TTLL5: variants seen among roughly 807,000 people sequenced by gnomAD.
TTLL5 encodes tubulin polyglutamylase TTLL5.
TTLL5 carries 132 observed loss-of-function variants against 168.4 expected under a neutral mutation model. The ratio of observed to expected loss-of-function variants is 0.78; its 90% CI spans 0.68 to 0.91. TTLL5 has a LOEUF of 0.91. TTLL5 is among the 40% of genes least tolerant of loss of function. TTLL5 has a pLI of 0.00. For synonymous variants in TTLL5, 546 were observed against 558.6 expected, an observed-to-expected ratio of 0.98 and a Z score of 0.32; for missense variants, 1,545 against 1,581.5, an observed-to-expected ratio of 0.98 and a Z score of 0.39.
intron 20 of TTLL5, among the ~76,000 whole-genome samples, chr14:75,767,057 G>A (rs1183705227): frequency 6.6e-6 from 1 of 152,070 alleles, no homozygotes; most frequent in African/African-American, 2.4e-5. Flanking sequence ...CAGCTACTCG[G>A]GAGGATGAAG....
chr14:75,735,167 G>T (rs1424163615), intron 14 of TTLL5, 28 bp from the exon 15 acceptor site: 2 of 1,610,414 alleles, frequency 1.2e-6, no homozygotes, highest in Non-Finnish European at 1.7e-6. Flanking sequence ...AAAATGGCAG[G>T]TTTTAATGTT....
At chr14:75,875,314 C>T (rs1369586535) in intron 29 of TTLL5, among the ~76,000 whole-genome samples, 6 of 149,364 alleles carry the variant, frequency 4.0e-5, no homozygotes, top group South Asian at 2.1e-4. Flanking sequence ...GAGGCTGAGG[C>T]AGACAGATCA....
chr14:75,900,843 G>A (rs1211881440), intron 30 of TTLL5, among the ~76,000 whole-genome samples: 2 of 152,104 alleles, frequency 1.3e-5, no homozygotes, highest in African/African-American at 2.4e-5. Context: ...CCCCTGCCTC[G>A]TTCTCATAAC....
chr14:75,672,099 T>A lies in TTLL5; in HGVS notation c.181+2577T>A, dbSNP rs557066796. Among the ~76,000 whole-genome samples the A allele has an allele frequency of 3.3e-5, 5 of 152,346 alleles. No homozygotes were observed. The South Asian group carries it at 1.0e-3, about 32-fold the overall frequency. On this transcript the variant is annotated intron_variant, in intron 3 of 31. Transcript: ENST00000298832. Reference sequence around the variant, plus strand: ...GAAAAGGTGTTAGTCAAATGCTTTTTCCACATCAACTGAAATGATATTTCC... The same window carrying A: ...GAAAAGGTGTTAGTCAAATGCTTTTACCACATCAACTGAAATGATATTTCC...
chr14:75,705,886 T>C (rs535636988), intron 7 of TTLL5, among the ~76,000 whole-genome samples: 40 of 152,282 alleles, frequency 2.6e-4, no homozygotes, highest in Middle Eastern at 3.4e-3. Flanking sequence ...ATTTTAATCT[T>C]GCTGTTTCCT....
chr14:75,799,895 AG>A (rs1893191173), intron 27 of TTLL5, among the ~76,000 whole-genome samples: 1 of 152,166 alleles, frequency 6.6e-6, no homozygotes, highest in South Asian at 2.1e-4. Context: ...ATAGCTCTTA[AG>A]AGTCTTTCCT....
intron 27 of TTLL5, among the ~76,000 whole-genome samples, chr14:75,798,455 A>G (rs1332121752): frequency 2.0e-5 from 3 of 150,060 alleles, no homozygotes; most frequent in African/African-American, 4.9e-5. Context: ...GTTTGTATCA[A>G]TTTTATTTAG....
intron 27 of TTLL5, among the ~76,000 whole-genome samples, chr14:75,808,331 C>T (rs1469601940): frequency 6.6e-6 from 1 of 152,062 alleles, no homozygotes; most frequent in Non-Finnish European, 1.5e-5. Flanking sequence ...TTTTCCTGAC[C>T]CCCTTTAAAA....
intron 31 of TTLL5, among the ~76,000 whole-genome samples, chr14:75,914,724 C>T (rs1006933632): frequency 2.7e-5 from 4 of 150,854 alleles, no homozygotes; most frequent in African/African-American, 7.3e-5. Flanking sequence ...CCCAGGTTCA[C>T]GCCATTCTCC....
At chr14:75,868,167 C>T (rs1353226076) in intron 29 of TTLL5, among the ~76,000 whole-genome samples, 2 of 152,082 alleles carry the variant, frequency 1.3e-5, no homozygotes, top group African/African-American at 4.8e-5. Flanking sequence ...TGCTCCCAAC[C>T]CACTCCCTGC....
intron 28 of TTLL5, among the ~76,000 whole-genome samples, chr14:75,831,599 G>A (rs978166984): frequency 1.3e-5 from 2 of 152,106 alleles, no homozygotes; most frequent in Non-Finnish European, 2.9e-5. Flanking sequence ...CCAAACATGC[G>A]GAAGTGGTTA....
intron 28 of TTLL5, among the ~76,000 whole-genome samples, chr14:75,822,513 G>C (rs1279157840): frequency 1.3e-5 from 2 of 152,152 alleles, no homozygotes; most frequent in Non-Finnish European, 2.9e-5. Context: ...ACTAGGGGCT[G>C]CCTTGTAAAC....
chr14:75,734,134 C>G, intron 14 of TTLL5, 84 bp downstream of exon 14: 1 of 1,286,364 alleles, frequency 7.8e-7, no homozygotes, highest in Non-Finnish European at 1.1e-6. Context: ...GTTTTGCCAA[C>G]TGGCAGGTCC....
intron 29 of TTLL5, among the ~76,000 whole-genome samples, chr14:75,876,514 G>C (rs2031491718): frequency 6.6e-6 from 1 of 152,216 alleles, no homozygotes; most frequent in South Asian, 2.1e-4. Flanking sequence ...TTTTAGAAAT[G>C]AGAGGATATG....
chr14:75,882,713 A>T lies in TTLL5; in HGVS notation c.3551A>T (p.Asn1184Ile). 6.2e-7 allele frequency: 1 copy of T among 1,613,524 alleles called. No homozygotes were observed. The highest frequency in any genetic ancestry group is 1.7e-5 in the Admixed American group (1 of 59,978). The change falls in exon 30 of 32, where the codon AAC (asparagine) becomes ATC (isoleucine). Residue 1184 changes from asparagine (N) to isoleucine (I), a missense_variant. By Grantham distance (149) the Asn-to-Ile change is moderately radical. Transcript: ENST00000298832. Reference protein sequence around the residue: ...QAIFGSQTLPNSNLWTMNNGA... With the variant: ...QAIFGSQTLPISNLWTMNNGA... ...ATCTTTGGCAGCCAGACACTACCTAACTCCAATTTATGGACAATGAATAAT... is the reference window on the plus strand; with the variant it reads ...ATCTTTGGCAGCCAGACACTACCTATCTCCAATTTATGGACAATGAATAAT...
At chr14:75,925,963 T>G (rs563939222) in intron 31 of TTLL5, among the ~76,000 whole-genome samples, 7 of 151,520 alleles carry the variant, frequency 4.6e-5, no homozygotes, top group African/African-American at 1.7e-4. Context: ...GGCAGGAGAA[T>G]CAGGCAGGGA....
chr14:75,763,253 C>CTG (rs202149877), intron 18 of TTLL5, among the ~76,000 whole-genome samples: 6,930 of 145,414 alleles, frequency 0.048, 371 homozygotes, highest in East Asian at 0.31. Flanking sequence ...ATAGCTCTCT[C>CTG]TCTGTGTGTG....
At chr14:75,783,975 G>C (rs768806646) in intron 26 of TTLL5, among the ~76,000 whole-genome samples, 1 of 152,192 alleles carries the variant, frequency 6.6e-6, no homozygotes, top group South Asian at 2.1e-4. Context: ...TAGACCTATA[G>C]TGTCAAGTTT....
chr14:75,945,647 G>C (rs572553459), intron 31 of TTLL5, among the ~76,000 whole-genome samples: 1 of 152,164 alleles, frequency 6.6e-6, no homozygotes, highest in South Asian at 2.1e-4. Context: ...GAAAGAAAAA[G>C]AGGTGGAAAG....
Sources: allele counts gnomAD v4.1 joint callset (sites outside exome capture counted in the v4.1 genomes callset), GRCh38; gene constraint gnomAD v4.1.1; transcripts MANE v1.5; gene names NCBI Gene and HGNC (gene_info 2026-07-23, HGNC 2026-07-21).